The following RABEP1 variants were observed in gnomAD, a reference collection of about 807,000 sequenced individuals.
RABEP1 encodes rab GTPase-binding effector protein 1.
RABEP1 carries 51 observed loss-of-function variants against 123.4 expected under a neutral mutation model. The observed-to-expected ratio is 0.41, with a 90% CI of 0.33 to 0.52. The LOEUF (loss-of-function observed/expected upper bound fraction) is 0.52. Ranked by LOEUF, RABEP1 falls within the 20% of genes least tolerant of loss-of-function variation. The probability of loss-of-function intolerance (pLI) is 0.16; values close to 1 mark genes in which losing one functional copy is unlikely to be tolerated. For synonymous variants in RABEP1, 347 were observed against 355.2 expected (o/e 0.98, Z 0.26); for missense variants, 888 against 996.3 (o/e 0.89, Z 1.46).
chr17:5,381,319 C>T (rs1381333189), intron 16 of RABEP1, 70 bp from the exon 17 acceptor site: 5 of 1,568,678 alleles, frequency 3.2e-6, no homozygotes, highest in Non-Finnish European at 3.5e-6. Flanking sequence ...TAGGTAACTA[C>T]AAGTTACTGG....
intron 10 of RABEP1, among the ~76,000 whole-genome samples, chr17:5,363,938 A>G (rs1199753279): frequency 1.3e-5 from 2 of 152,198 alleles, no homozygotes; most frequent in African/African-American, 2.4e-5. Flanking sequence ...GTCAAAGTCT[A>G]CGTAAGAAAG....
intron 1 of RABEP1, among the ~76,000 whole-genome samples, chr17:5,308,048 A>G (rs2075196767): frequency 6.6e-6 from 1 of 152,210 alleles, no homozygotes; most frequent in Non-Finnish European, 1.5e-5. Flanking sequence ...TTTGTGGGAT[A>G]AGTAGTTCAA....
At chr17:5,288,039 C>G (rs987592521) in intron 1 of RABEP1, among the ~76,000 whole-genome samples, 4 of 152,140 alleles carry the variant, frequency 2.6e-5, no homozygotes, top group African/African-American at 9.6e-5. Flanking sequence ...ACAGGATTTG[C>G]TGACGGATTG....
At position 5,354,236 on chromosome 17, in the gene RABEP1, G is replaced by A. The variant is rs78216788; in HGVS notation, c.964-123G>A. 1.6e-3 allele frequency: 1,339 copies of A among 839,312 alleles called. 9 individuals carry two copies. In the African/African-American group the frequency reaches 0.018, roughly 12 times the overall value. 52.0% of individuals were successfully genotyped at this position (839,312 alleles called of 1,614,324 possible). On this transcript the variant is annotated intron_variant, in intron 7 of 17. Transcript: ENST00000537505. ...AGATGGGATTACAAAACAAAGAAGC[G>A]TAAGTATCCAGTTTTCTCTTATCAT... is the stretch of plus-strand genomic sequence containing the variant.
chr17:5,315,181 T>C (rs1366979186), intron 2 of RABEP1, among the ~76,000 whole-genome samples: 1 of 152,228 alleles, frequency 6.6e-6, no homozygotes, highest in Non-Finnish European at 1.5e-5. Flanking sequence ...TCCAGTGCCA[T>C]AAACTTGCAC....
At chr17:5,298,290 CTA>C (rs774076113) in intron 1 of RABEP1, among the ~76,000 whole-genome samples, 3 of 151,962 alleles carry the variant, frequency 2.0e-5, no homozygotes, top group Non-Finnish European at 4.4e-5. Flanking sequence ...TTAAAATTTT[CTA>C]TGTTACAATC....
At chr17:5,381,551 G>C in intron 17 of RABEP1, 46 bp downstream of exon 17, 1 of 1,590,048 alleles carries the variant, frequency 6.3e-7, no homozygotes. Context: ...GGCAGTTTTG[G>C]GGGACAGAAC....
intron 8 of RABEP1, among the ~76,000 whole-genome samples, chr17:5,360,332 G>T (rs1238826658): frequency 3.9e-5 from 6 of 152,248 alleles, no homozygotes; most frequent in Admixed American, 3.9e-4. Flanking sequence ...GGAGGCTGAG[G>T]TCGGGGGATC....
rs1319018696 is a variant in RABEP1 at position 5,361,690 on chromosome 17, T to A, written c.1563+15T>A. On this transcript the variant is annotated intron_variant, in intron 9 of 17. Transcript: ENST00000537505. ...TGCAGAAAGAGGTGAGTTACCTTTC[T>A]CACGTTTTTCCTCTTGCTCACGCTG... 1 of 1,579,810 alleles carries A rather than the reference T, an allele frequency of 6.3e-7. No individual in the cohort carries two copies. Among genetic ancestry groups the A allele is most frequent in the Non-Finnish European group, 8.6e-7 (1 of 1,162,960 alleles).
chr17:5,333,812 C>A (rs1029143570), intron 3 of RABEP1, among the ~76,000 whole-genome samples: 11 of 152,178 alleles, frequency 7.2e-5, no homozygotes, highest in Admixed American at 5.2e-4. Context: ...TTTGCCTCAG[C>A]TGAAAAATAG....
At chr17:5,338,672 G>T (rs1174033863) in intron 5 of RABEP1, among the ~76,000 whole-genome samples, 2 of 152,194 alleles carry the variant, frequency 1.3e-5, no homozygotes, top group Non-Finnish European at 2.9e-5. Flanking sequence ...ACAAGTGGCT[G>T]CTTTGTCACA....
At chr17:5,364,141 A>G (rs1909812174) in intron 10 of RABEP1, among the ~76,000 whole-genome samples, 1 of 152,226 alleles carries the variant, frequency 6.6e-6, no homozygotes, top group Non-Finnish European at 1.5e-5. Flanking sequence ...TATTTGCAAA[A>G]CTAATGTAGT....
chr17:5,315,501 A>G (rs1005584926), intron 2 of RABEP1, among the ~76,000 whole-genome samples: 20 of 152,222 alleles, frequency 1.3e-4, no homozygotes, highest in African/African-American at 4.8e-4. Context: ...TTAGATTTTT[A>G]CTAATAAAAA....
At chr17:5,361,759 C>G in intron 9 of RABEP1, 84 bp downstream of exon 9, 2 of 1,206,016 alleles carry the variant, frequency 1.7e-6, no homozygotes, top group Non-Finnish European at 2.3e-6. Context: ...ATTCAACAGA[C>G]GGTTCCTGGA....
chr17:5,322,692 CAAGTAGATTACT>C (rs1434419913), intron 2 of RABEP1, among the ~76,000 whole-genome samples: 4 of 152,258 alleles, frequency 2.6e-5, no homozygotes, highest in Admixed American at 2.0e-4. Flanking sequence ...CCACCACGAT[CAAGTAGATTACT>C]CCTGAGGAGG....
chr17:5,305,152 A>G (rs945329365), intron 1 of RABEP1, among the ~76,000 whole-genome samples: 7 of 152,170 alleles, frequency 4.6e-5, no homozygotes, highest in African/African-American at 1.4e-4. Flanking sequence ...ACTTTCTCAT[A>G]TTGAGAGTGA....
intron 5 of RABEP1, among the ~76,000 whole-genome samples, chr17:5,345,726 TAAGTCTTTGACTATTATTGC>T (rs1336185357): frequency 6.6e-6 from 1 of 152,210 alleles, no homozygotes; most frequent in Non-Finnish European, 1.5e-5. Flanking sequence ...AATGGTCATT[TAAGTCTTTGACTATTATTGC>T]ATGATGGCCT....
At chr17:5,307,795 A>G (rs939017374) in intron 1 of RABEP1, among the ~76,000 whole-genome samples, 4 of 152,234 alleles carry the variant, frequency 2.6e-5, no homozygotes, top group South Asian at 4.1e-4. Flanking sequence ...ACCATGATCA[A>G]TGTTGAAAAC....
chr17:5,301,360 G>A (rs934638887), intron 1 of RABEP1, among the ~76,000 whole-genome samples: 2 of 152,104 alleles, frequency 1.3e-5, no homozygotes, highest in African/African-American at 4.8e-5. Flanking sequence ...TTGGGGATTT[G>A]TATTTGACTT....
Sources: allele counts gnomAD v4.1 joint callset (sites outside exome capture counted in the v4.1 genomes callset), GRCh38; gene constraint gnomAD v4.1.1; transcripts MANE v1.5; gene names NCBI Gene and HGNC (gene_info 2026-07-23, HGNC 2026-07-21).